VWF: variants seen among roughly 807,000 people sequenced by gnomAD.
The protein encoded by VWF is von Willebrand factor, also known as Factor VIII related antigen.
Under a neutral mutation model 308.6 loss-of-function variants are expected in VWF, and 176 were observed. The ratio of observed to expected loss-of-function variants is 0.57; its 90% confidence interval spans 0.50 to 0.65. VWF has a LOEUF of 0.65. Ranked by LOEUF, VWF falls within the 30% of genes least tolerant of loss-of-function variation. The pLI is 0.00. For missense variants in VWF, 3,146 were observed against 3,648.2 expected, an observed-to-expected ratio of 0.86 and a Z score of 3.55; for synonymous variants, 1,385 against 1,443.4, an observed-to-expected ratio of 0.96 and a Z score of 0.92.
rs1944827308 is a variant in VWF, at chr12:6,075,115, CG to C, written c.874+219del. Among the ~76,000 whole-genome samples the C allele has an allele frequency of 8.5e-6, 1 of 118,184 alleles. No individual in the cohort carries two copies. Among genetic ancestry groups the C allele is most frequent in the Admixed American group, 9.5e-5 (1 of 10,492 alleles). The allele number at this position is 118,184 out of a possible 152,430, so 77.5% of individuals were successfully genotyped here. On this transcript the variant is annotated intron_variant, in intron 7 of 51. Coordinates refer to ENST00000261405, the MANE Select transcript of VWF (RefSeq NM_000552.5). This position sits in a 1 kb window ranked among gnomAD's most constrained non-coding sequence, Gnocchi z 4.7. ...CGCCAGGGGAGGCGTGGGGGCGGGA[CG>C]GAGGCAGGGGCAGGACACGGGGCTT...
chr12:6,059,770 C>CT (rs1425783737), intron 13 of VWF, among the ~76,000 whole-genome samples: 40 of 152,202 alleles, frequency 2.6e-4, no homozygotes, highest in African/African-American at 9.4e-4. Context: ...ACAGCAGTGC[C>CT]AGCAGACACT....
At chr12:6,002,417 A>G (rs1242109546) in intron 34 of VWF, among the ~76,000 whole-genome samples, 1 of 151,998 alleles carries the variant, frequency 6.6e-6, no homozygotes, top group Non-Finnish European at 1.5e-5. Flanking sequence ...AGAATTTTTG[A>G]TATTATAAAA....
chr12:5,983,206 C>A lies in VWF; in HGVS notation c.7025G>T (p.Arg2342Leu), dbSNP rs34120165. 1.2e-6 allele frequency: 2 copies of A among 1,614,046 alleles called. No homozygotes were observed. The highest frequency in any genetic ancestry group is 2.2e-5 in the South Asian group (2 of 91,062). Residue 2342 changes from arginine (R) to leucine (L), a missense_variant, in exon 41 of 52, where the codon CGT becomes CTT. Around this residue, in one of 3 missense-constraint regions of VWF, gnomAD observed 989 missense variants for 1,117.4 expected, o/e 0.89. Coordinates refer to ENST00000261405, the MANE Select transcript of VWF (RefSeq NM_000552.5). ...GTTGGTCAGTGTGGGCTGGAGGCCA[C>A]GTTCACAGTGAGGCACTGGGGGCAG... is the stretch of plus-strand genomic sequence containing the variant. The part of the protein sequence containing the change: ...CDLPPVPHCE[R>L]GLQPTLTNPG...
chr12:5,993,187 T>TA (rs1458081298), intron 37 of VWF, among the ~76,000 whole-genome samples: 1 of 152,144 alleles, frequency 6.6e-6, no homozygotes, highest in African/African-American at 2.4e-5. Flanking sequence ...AGTCGAGGAT[T>TA]ATATTTGATG....
chr12:6,094,825 G>C (rs1289786743), intron 6 of VWF, among the ~76,000 whole-genome samples: 1 of 151,022 alleles, frequency 6.6e-6, no homozygotes, highest in African/African-American at 2.4e-5. Flanking sequence ...CAATTCTCCT[G>C]CCTCAGCCTC....
chr12:6,076,214 T>C (rs558997501), intron 6 of VWF, among the ~76,000 whole-genome samples: 2 of 152,356 alleles, frequency 1.3e-5, no homozygotes, highest in East Asian at 3.9e-4. Flanking sequence ...ACTTTGCTGA[T>C]GCCCTCAACC....
chr12:5,970,936 G>A (rs944936433), intron 44 of VWF, among the ~76,000 whole-genome samples: 3 of 152,190 alleles, frequency 2.0e-5, no homozygotes, highest in Non-Finnish European at 4.4e-5. Context: ...GCCAAAGACG[G>A]AATCCTCTGT....
chr12:5,955,128 G>A (rs943875791), intron 47 of VWF, among the ~76,000 whole-genome samples: 1 of 151,962 alleles, frequency 6.6e-6, no homozygotes, highest in Non-Finnish European at 1.5e-5. Flanking sequence ...TTCATGCAAA[G>A]AAATAGAAAA....
intron 15 of VWF, among the ~76,000 whole-genome samples, chr12:6,053,376 G>A (rs1274518221): frequency 6.6e-6 from 1 of 152,204 alleles, no homozygotes; most frequent in Non-Finnish European, 1.5e-5. Context: ...GGAAGAAGCA[G>A]AGGAAGGATT....
intron 34 of VWF, among the ~76,000 whole-genome samples, chr12:6,002,013 C>A (rs536650463): frequency 7.2e-5 from 11 of 151,956 alleles, no homozygotes; most frequent in Non-Finnish European, 1.3e-4. Flanking sequence ...ACAGATAGTA[C>A]AGAATTTCTT....
Position 6,031,412 on chromosome 12 carries a change from G to C in VWF, c.2820+32C>G, listed in dbSNP as rs374758087. The C allele has an allele frequency of 1.3e-4, 215 of 1,613,992 alleles. 2 individuals are homozygous for C. Among genetic ancestry groups the C allele is most frequent in the African/African-American group, 3.9e-4 (29 of 74,888 alleles). ...TATTAAGTGGCAGAAGCACAAAGCG[G>C]GACATGAGGGTGGAGATGAGGCTGC... On this transcript the variant is annotated intron_variant, in intron 21 of 51. Transcript: ENST00000261405.
chr12:6,010,381 T>C (rs1386098033), intron 34 of VWF, among the ~76,000 whole-genome samples: 4 of 152,154 alleles, frequency 2.6e-5, no homozygotes, highest in Non-Finnish European at 5.9e-5. Flanking sequence ...ACCTCGCTGA[T>C]CGAAAACCAA....
Position 5,996,041 on chromosome 12 carries a change from C to T in VWF, c.6024G>A (p.Lys2008=). 6.2e-7 allele frequency: 1 copy of T among 1,613,608 alleles called. No individual in the cohort carries two copies. The highest frequency in any genetic ancestry group is 8.5e-7 in the Non-Finnish European group (1 of 1,180,020). ...RQGCMKSIEV[K]HSALSVELHS... is the part of the protein sequence containing the mutation. ...GCAGCTCGACGGAGAGGGCACTGTG[C>T]TTCACCTCGATGGATTTCATGCAGC... is the stretch of plus-strand genomic sequence containing the variant. Residue 2008 remains lysine (K), a synonymous_variant, in exon 35 of 52, where the codon AAG becomes AAA. Transcript: ENST00000261405.
rs148473026 is a variant in VWF, at chr12:6,067,909, G to A, written c.1157-2636C>T. Among the ~76,000 whole-genome samples the A allele has an allele frequency of 1.8e-3, 273 of 152,120 alleles. 5 individuals are homozygous for A. In the East Asian group the frequency reaches 0.045, roughly 25 times the overall value. On this transcript the variant is annotated intron_variant, in intron 10 of 51. Transcript: ENST00000261405. ...AGCACTTTGGGAGGCTGAGACAGGC[G>A]GAGCACCCAAGGTCAGGAGTTCGAG...
chr12:6,111,256 C>A lies in VWF; in HGVS notation c.221-288G>T, dbSNP rs373247567. ...ATCTTTTGCTTCTGGGAGTTTACAA[C>A]CTGCGTATAAATAGAAGACAAACAT... On this transcript the variant is annotated intron_variant, in intron 3 of 51. Coordinates refer to ENST00000261405, the MANE Select transcript of VWF (RefSeq NM_000552.5). Among the ~76,000 whole-genome samples the A allele has an allele frequency of 1.9e-3, 292 of 152,248 alleles. 1 individual carries two copies. Among genetic ancestry groups the A allele is most frequent in the Non-Finnish European group, 3.1e-3 (212 of 68,026 alleles).
chr12:6,026,273 G>A (rs552302980), intron 22 of VWF, among the ~76,000 whole-genome samples: 44 of 152,106 alleles, frequency 2.9e-4, no homozygotes, highest in Non-Finnish European at 5.3e-4. Flanking sequence ...TTAAAGCTAT[G>A]GAAACAGAGA....
intron 1 of VWF, 73 bp from the exon 2 acceptor site, chr12:6,123,269 G>C (rs1945451045): frequency 1.3e-6 from 2 of 1,531,406 alleles, no homozygotes; most frequent in Non-Finnish European, 1.8e-6. Flanking sequence ...CGACTATCAG[G>C]GCATGCAGTA....
intron 47 of VWF, among the ~76,000 whole-genome samples, chr12:5,964,234 ACATACATACATACATG>A (rs1402813358): frequency 2.4e-4 from 34 of 144,198 alleles, no homozygotes; most frequent in African/African-American, 7.4e-4. Context: ...ATACATACAT[ACATACATACATACATG>A]CATACATACA....
chr12:5,965,010 G>A (rs1943384523), intron 47 of VWF, among the ~76,000 whole-genome samples: 1 of 152,210 alleles, frequency 6.6e-6, no homozygotes, highest in Non-Finnish European at 1.5e-5. Context: ...GACCACAGCT[G>A]CACACGATGG....
Sources: allele counts gnomAD v4.1 joint callset (sites outside exome capture counted in the v4.1 genomes callset), GRCh38; gene constraint gnomAD v4.1.1; regional missense constraint gnomAD v4.1.1; non-coding constraint Gnocchi (gnomAD v3.1); transcripts MANE v1.5; gene names NCBI Gene and HGNC (gene_info 2026-07-23, HGNC 2026-07-21).